Variants in AGBL4 observed in about 807,000 individuals in gnomAD.
AGBL4 encodes the protein AGBL carboxypeptidase 4.
In AGBL4, 58 loss-of-function variants were observed where a neutral mutation model predicts 66.4. The ratio of observed to expected loss-of-function variants is 0.87; its 90% confidence interval spans 0.71 to 1.09. The LOEUF (loss-of-function observed/expected upper bound fraction) is 1.09, where lower values mean the gene tolerates loss of function less well. Among genes scored for constraint, AGBL4 ranks in the 50% least tolerant of loss-of-function variants. The pLI, the probability that AGBL4 is intolerant of heterozygous loss-of-function variation, is 0.00. For synonymous variants in AGBL4, 234 were observed against 222.9 expected (o/e 1.05, Z -0.44); for missense variants, 579 against 631.0 (o/e 0.92, Z 0.88).
rs182677921 is a variant in AGBL4, at chr1:48,873,550, C to T, written c.595-6320G>A. Among the ~76,000 whole-genome samples the T allele has an allele frequency of 2.0e-3, 311 of 152,192 alleles. 3 individuals are homozygous for T. Among genetic ancestry groups the T allele is most frequent in the African/African-American group, 7.2e-3 (299 of 41,528 alleles). On this transcript the variant is annotated intron_variant, in intron 5 of 13. Transcript: ENST00000371839. Reference sequence around the variant, plus strand: ...GAGTTTCCTGAAGGCAGGCGCTGTGCCCTCTTTATTTCTCTCCTCTCAGGG... The same window carrying T: ...GAGTTTCCTGAAGGCAGGCGCTGTGTCCTCTTTATTTCTCTCCTCTCAGGG...
intron 2 of AGBL4, among the ~76,000 whole-genome samples, chr1:49,700,298 A>G (rs1467948122): frequency 6.8e-6 from 1 of 146,368 alleles, no homozygotes; most frequent in Non-Finnish European, 1.5e-5. Flanking sequence ...AAAAACATTA[A>G]ATAGATAGAT....
Position 49,925,252 on chromosome 1 carries a change from C to G in AGBL4, c.35-73734G>C, listed in dbSNP as rs573126375. ...AGTCACGGGGCCCTCATTCCAGGCA[C>G]TAGCTCCTGGATGACATTTCTGGAC... On this transcript the variant is annotated intron_variant, in intron 1 of 13. Coordinates refer to ENST00000371839, the MANE Select transcript of AGBL4 (RefSeq NM_032785.4). 8.5e-4 allele frequency among the ~76,000 whole-genome samples: 129 copies of G among 152,288 alleles called. 1 individual carries two copies. Among genetic ancestry groups the G allele is most frequent in the African/African-American group, 3.0e-3 (126 of 41,542 alleles).
intron 2 of AGBL4, among the ~76,000 whole-genome samples, chr1:49,757,661 C>A (rs1651991576): frequency 6.6e-6 from 1 of 152,126 alleles, no homozygotes; most frequent in Non-Finnish European, 1.5e-5. Context: ...TCTTACTATG[C>A]TTTAGCAAAG....
intron 4 of AGBL4, among the ~76,000 whole-genome samples, chr1:49,116,373 C>T (rs1309897697): frequency 6.6e-6 from 1 of 152,186 alleles, no homozygotes; most frequent in Non-Finnish European, 1.5e-5. Flanking sequence ...TCCTCCATAT[C>T]CCCACCCCGC....
chr1:48,763,061 T>A (rs1213654154), intron 6 of AGBL4, among the ~76,000 whole-genome samples: 9 of 151,846 alleles, frequency 5.9e-5, no homozygotes, highest in Admixed American at 3.3e-4. Flanking sequence ...TCTGAATCAT[T>A]TTCTTCTCTT....
intron 2 of AGBL4, among the ~76,000 whole-genome samples, chr1:49,849,336 G>A (rs547532383): frequency 2.0e-5 from 3 of 151,626 alleles, no homozygotes; most frequent in South Asian, 2.1e-4. Context: ...AAATTCTGAC[G>A]AGTCTTCTTT....
At chr1:48,601,079 C>G (rs2148363685) in intron 9 of AGBL4, among the ~76,000 whole-genome samples, 1 of 152,272 alleles carries the variant, frequency 6.6e-6, no homozygotes, top group Non-Finnish European at 1.5e-5. Flanking sequence ...GCCTCCTGCT[C>G]CCTTCAGTGA....
At chr1:48,688,547 G>T (rs1324091515) in intron 6 of AGBL4, among the ~76,000 whole-genome samples, 1 of 152,182 alleles carries the variant, frequency 6.6e-6, no homozygotes. Flanking sequence ...ATGATGTTAT[G>T]CAGTCCTTGG....
intron 4 of AGBL4, among the ~76,000 whole-genome samples, chr1:49,230,990 T>TA (rs911038469): frequency 5.3e-5 from 8 of 152,026 alleles, no homozygotes; most frequent in South Asian, 4.2e-4. Flanking sequence ...CTAGAATGGG[T>TA]AAAAAAAACA....
At chr1:48,664,014 T>C (rs903786430) in intron 6 of AGBL4, among the ~76,000 whole-genome samples, 3 of 152,124 alleles carry the variant, frequency 2.0e-5, no homozygotes, top group African/African-American at 7.2e-5. Flanking sequence ...TTTCAGACAT[T>C]GAACAAGAGC....
chr1:49,319,855 G>A (rs1017172332), intron 3 of AGBL4, among the ~76,000 whole-genome samples: 1 of 152,106 alleles, frequency 6.6e-6, no homozygotes, highest in Admixed American at 6.6e-5. Context: ...CATTTCTTAG[G>A]CTGAAGCCCT....
chr1:49,082,638 A>G (rs569653130), intron 4 of AGBL4, among the ~76,000 whole-genome samples: 113 of 152,300 alleles, frequency 7.4e-4, no homozygotes, highest in Non-Finnish European at 1.4e-3. Context: ...ATTACAATTT[A>G]AGGTGAGATT....
At chr1:48,828,675 A>G (rs1646484282) in intron 6 of AGBL4, among the ~76,000 whole-genome samples, 1 of 152,232 alleles carries the variant, frequency 6.6e-6, no homozygotes, top group Non-Finnish European at 1.5e-5. Flanking sequence ...TAACTGTGCA[A>G]CAGTAATGCT....
chr1:49,941,425 A>T (rs1654749095), intron 1 of AGBL4, among the ~76,000 whole-genome samples: 2 of 152,094 alleles, frequency 1.3e-5, no homozygotes, highest in South Asian at 4.1e-4. Context: ...AAATTACTAC[A>T]AGAAAAGAAA....
At chr1:49,388,600 C>A (rs1644784811) in intron 3 of AGBL4, among the ~76,000 whole-genome samples, 2 of 152,142 alleles carry the variant, frequency 1.3e-5, no homozygotes, top group South Asian at 4.1e-4. Context: ...TCCTATGATT[C>A]TTGATTAAAT....
At chr1:49,098,812 C>T (rs757983328) in intron 4 of AGBL4, among the ~76,000 whole-genome samples, 17 of 152,136 alleles carry the variant, frequency 1.1e-4, no homozygotes, top group Non-Finnish European at 2.5e-4. Flanking sequence ...TGCCTTTCTC[C>T]CACATGTGAT....
intron 2 of AGBL4, among the ~76,000 whole-genome samples, chr1:49,783,317 A>C (rs990701246): frequency 1.4e-4 from 21 of 152,150 alleles, no homozygotes; most frequent in African/African-American, 5.1e-4. Flanking sequence ...AAAATATAAA[A>C]AGGATTGATA....
chr1:48,581,122 G>A (rs577693115), intron 11 of AGBL4, among the ~76,000 whole-genome samples: 5 of 152,208 alleles, frequency 3.3e-5, no homozygotes, highest in Non-Finnish European at 7.4e-5. Context: ...CCTCAAAACT[G>A]TCTTCATCTT....
At chr1:49,462,318 A>G (rs1220478649) in intron 3 of AGBL4, among the ~76,000 whole-genome samples, 1 of 151,786 alleles carries the variant, frequency 6.6e-6, no homozygotes, top group Non-Finnish European at 1.5e-5. Context: ...CAGAAAGAAT[A>G]GAAAAGAAGC....
Sources: gnomAD v4.1 joint callset for allele counts (sites outside exome capture counted in the v4.1 genomes callset) on GRCh38, gnomAD v4.1.1 for gene constraint, MANE v1.5 for transcripts, NCBI Gene and HGNC (gene_info 2026-07-23, HGNC 2026-07-21) for gene names.